EFCAB6: variants seen among roughly 807,000 people sequenced by gnomAD.
The protein encoded by EFCAB6 is EF-hand calcium binding domain 6.
In EFCAB6, 156 loss-of-function variants were observed where a neutral mutation model predicts 169.8. The ratio of observed to expected loss-of-function variants is 0.92; its 90% CI spans 0.81 to 1.05. The LOEUF is 1.05. Ranked by LOEUF, EFCAB6 falls within the 50% of genes least tolerant of loss-of-function variation. The pLI is 0.00. For missense variants in EFCAB6, 1,800 were observed against 1,829.1 expected (o/e 0.98, Z 0.29); for synonymous variants, 698 against 676.4 (o/e 1.03, Z -0.50).
At chr22:43,768,185 G>A (rs2061374210) in intron 4 of EFCAB6, among the ~76,000 whole-genome samples, 3 of 152,082 alleles carry the variant, frequency 2.0e-5, no homozygotes, top group African/African-American at 7.2e-5. Context: ...ATAAAACACC[G>A]AGTCTGCATC....
intron 11 of EFCAB6, among the ~76,000 whole-genome samples, chr22:43,685,616 C>G (rs554518343): frequency 1.3e-5 from 2 of 152,144 alleles, no homozygotes; most frequent in African/African-American, 4.8e-5. Context: ...AAGATCTTGG[C>G]TCTTTGGGCA....
intron 5 of EFCAB6, among the ~76,000 whole-genome samples, chr22:43,764,902 A>G (rs1351048709): frequency 4.4e-5 from 6 of 134,840 alleles, no homozygotes; most frequent in Non-Finnish European, 9.3e-5. Context: ...TATTATTTCT[A>G]GCCACGAAAA....
At chr22:43,784,701 A>G (rs1192115214) in intron 2 of EFCAB6, among the ~76,000 whole-genome samples, 2 of 142,840 alleles carry the variant, frequency 1.4e-5, no homozygotes, top group African/African-American at 2.6e-5. Flanking sequence ...ACACACACAC[A>G]CACACACACA....
intron 13 of EFCAB6, among the ~76,000 whole-genome samples, chr22:43,676,473 C>G (rs1022084432): frequency 2.6e-5 from 4 of 151,318 alleles, no homozygotes; most frequent in Non-Finnish European, 5.9e-5. Flanking sequence ...AAAATGTGCC[C>G]ACCCACATAC....
intron 4 of EFCAB6, among the ~76,000 whole-genome samples, chr22:43,765,878 T>C (rs1360489337): frequency 3.3e-5 from 5 of 152,136 alleles, no homozygotes; most frequent in Non-Finnish European, 4.4e-5. Flanking sequence ...CAATACAGAC[T>C]GTAGATTAAA....
chr22:43,583,245 T>C (rs941044930), intron 24 of EFCAB6, among the ~76,000 whole-genome samples: 2 of 151,724 alleles, frequency 1.3e-5, no homozygotes, highest in Non-Finnish European at 2.9e-5. Flanking sequence ...TTACTCCCCA[T>C]GCTTGGTTCT....
At chr22:43,728,391 T>C (rs1012433658) in intron 8 of EFCAB6, among the ~76,000 whole-genome samples, 2 of 152,250 alleles carry the variant, frequency 1.3e-5, no homozygotes, top group South Asian at 4.1e-4. Context: ...TGTGTCTTTA[T>C]AGTAGAATGA....
In EFCAB6 at chr22:43,626,658, T is replaced by C; in HGVS notation, c.2254A>G (p.Lys752Glu). ...ATGCCATCCCTGTCAGCATCTGTTT[T>C]AAAGAAGGCAGAGTAGGGGTCCTAA... ...SFRDPYSAFF[K>E]TDADRDGIIN... Residue 752 changes from lysine to glutamate, a missense_variant, in exon 20 of 32, where the codon AAA becomes GAA. By Grantham distance (56) the Lys-to-Glu change is moderately conservative. Transcript: ENST00000262726. The C allele has an allele frequency of 6.2e-7, 1 of 1,614,180 alleles. No individual in the cohort carries two copies. The highest frequency in any genetic ancestry group is 8.5e-7 in the Non-Finnish European group (1 of 1,180,038).
chr22:43,559,823 G>T (rs921428516), intron 26 of EFCAB6, among the ~76,000 whole-genome samples: 1 of 151,880 alleles, frequency 6.6e-6, no homozygotes, highest in Non-Finnish European at 1.5e-5. Flanking sequence ...GAGGACACAT[G>T]AACACAGGGA....
At chr22:43,657,867 T>G (rs920456485) in intron 17 of EFCAB6, among the ~76,000 whole-genome samples, 1 of 152,110 alleles carries the variant, frequency 6.6e-6, no homozygotes. Context: ...CTGGATAGGA[T>G]GGAGCAAGCA....
chr22:43,641,146 A>G (rs1421709917), intron 17 of EFCAB6, among the ~76,000 whole-genome samples: 1 of 152,216 alleles, frequency 6.6e-6, no homozygotes, highest in Non-Finnish European at 1.5e-5. Flanking sequence ...GTGTTCACTA[A>G]AAGTTGAATA....
At chr22:43,625,822 G>A (rs1336101352) in intron 20 of EFCAB6, among the ~76,000 whole-genome samples, 1 of 152,236 alleles carries the variant, frequency 6.6e-6, no homozygotes, top group African/African-American at 2.4e-5. Flanking sequence ...GAGGAGGTAG[G>A]AGGCATCAGT....
intron 10 of EFCAB6, among the ~76,000 whole-genome samples, chr22:43,690,712 C>T (rs1240578618): frequency 6.6e-6 from 1 of 151,750 alleles, no homozygotes; most frequent in African/African-American, 2.4e-5. Flanking sequence ...CCACATTGGT[C>T]TCTCCGTTCT....
chr22:43,683,102 G>A (rs1451285399), intron 12 of EFCAB6, among the ~76,000 whole-genome samples: 3 of 152,132 alleles, frequency 2.0e-5, no homozygotes, highest in Non-Finnish European at 2.9e-5. Context: ...ACACAGTCCT[G>A]TGTGAGTCTC....
chr22:43,652,170 A>G (rs2056504369), intron 17 of EFCAB6, among the ~76,000 whole-genome samples: 1 of 152,150 alleles, frequency 6.6e-6, no homozygotes, highest in Admixed American at 6.5e-5. Flanking sequence ...TTGAATTCCC[A>G]TGTGTTTGGG....
intron 5 of EFCAB6, among the ~76,000 whole-genome samples, chr22:43,763,089 AGTGCAG>A (rs1375719437): frequency 6.6e-6 from 1 of 152,108 alleles, no homozygotes; most frequent in Non-Finnish European, 1.5e-5. Context: ...CCCAGGCTGG[AGTGCAG>A]TGGTGCGATC....
At chr22:43,691,140 G>A (rs951441537) in intron 10 of EFCAB6, among the ~76,000 whole-genome samples, 1 of 152,028 alleles carries the variant, frequency 6.6e-6, no homozygotes, top group Non-Finnish European at 1.5e-5. Flanking sequence ...AGGCACACAT[G>A]GCCACGTCTA....
In EFCAB6 at chr22:43,658,120, T is replaced by C. The variant is rs564442356; in HGVS notation, c.1983+8984A>G. ...GGCGGGGACCTGTAATCCCAGCTAT[T>C]TGGGAGGCTGAGGCAGAAGAATCAC... On this transcript the variant is annotated intron_variant, in intron 17 of 31. Transcript: ENST00000262726. Among the ~76,000 whole-genome samples, 64 of 152,096 alleles carry C rather than the reference T, an allele frequency of 4.2e-4. 1 individual carries two copies. The highest frequency in any genetic ancestry group is 3.5e-3 in the South Asian group (17 of 4,802).
At chr22:43,671,854 TAGC>T in intron 15 of EFCAB6, 116 bp downstream of exon 15, 1 of 1,187,444 alleles carries the variant, frequency 8.4e-7, no homozygotes, top group Non-Finnish European at 1.2e-6. Context: ...ATTCAGCAAA[TAGC>T]AGTTATTATC....
Sources: gnomAD v4.1 joint callset for allele counts (sites outside exome capture counted in the v4.1 genomes callset) on GRCh38, gnomAD v4.1.1 for gene constraint, MANE v1.5 for transcripts, NCBI Gene and HGNC (gene_info 2026-07-23, HGNC 2026-07-21) for gene names.